The following BICD1 variants were observed in gnomAD, a reference collection of about 807,000 sequenced individuals.
The protein encoded by BICD1 is BICD cargo adaptor 1, also known as protein bicaudal D homolog 1.
A neutral mutation model predicts 92.5 loss-of-function variants in BICD1; 35 were observed. That is an observed-to-expected ratio of 0.38 (90% CI 0.29 to 0.50). BICD1 has a LOEUF of 0.50. Ranked by LOEUF, BICD1 falls within the 20% of genes least tolerant of loss-of-function variation. The pLI, the probability that BICD1 is intolerant of heterozygous loss-of-function variation, is 0.93. For synonymous variants in BICD1, 429 were observed against 465.1 expected (o/e 0.92, Z 1.00); for missense variants, 950 against 1,189.8 (o/e 0.80, Z 2.97).
At position 32,326,611 on chromosome 12, in the gene BICD1, G is replaced by A. The variant is rs879050990; in HGVS notation, c.1006-850G>A. ...ATATTAGAAACCATCAAAGCTGGGC[G>A]TGGTGGCTCCTGCCTATAATCCTAG... On this transcript the variant is annotated intron_variant, in intron 4 of 9. Transcript: ENST00000652176. Among the ~76,000 whole-genome samples the A allele has an allele frequency of 5.9e-5, 9 of 152,152 alleles. No homozygotes were observed. The South Asian group carries it at 8.3e-4, about 14-fold the overall frequency.
At chr12:32,333,670 C>A (rs1470617833) in intron 5 of BICD1, among the ~76,000 whole-genome samples, 1 of 152,200 alleles carries the variant, frequency 6.6e-6, no homozygotes, top group Non-Finnish European at 1.5e-5. Context: ...TTGGCTTCAA[C>A]ATGCAAACTG....
At chr12:32,138,768 TTATGA>T (rs1396583498) in intron 1 of BICD1, among the ~76,000 whole-genome samples, 1 of 151,866 alleles carries the variant, frequency 6.6e-6, no homozygotes, top group Non-Finnish European at 1.5e-5. Flanking sequence ...TATTTTTGAC[TTATGA>T]TATTTTTCAA....
intron 2 of BICD1, among the ~76,000 whole-genome samples, chr12:32,243,500 TAGA>T (rs1214324064): frequency 6.6e-6 from 1 of 152,132 alleles, no homozygotes; most frequent in African/African-American, 2.4e-5. Flanking sequence ...GATCAAATGG[TAGA>T]AGACTTTTTA....
At chr12:32,369,706 A>G (rs530581286) in intron 9 of BICD1, among the ~76,000 whole-genome samples, 1 of 151,592 alleles carries the variant, frequency 6.6e-6, no homozygotes, top group Non-Finnish European at 1.5e-5. Context: ...AGCCTGGGGA[A>G]CACAGGGAGA....
intron 1 of BICD1, among the ~76,000 whole-genome samples, chr12:32,131,140 G>A (rs933573616): frequency 7.2e-5 from 11 of 152,158 alleles, no homozygotes; most frequent in Non-Finnish European, 1.0e-4. Flanking sequence ...AGGCTGCTCC[G>A]TGACATTTAA....
intron 2 of BICD1, among the ~76,000 whole-genome samples, chr12:32,245,348 G>C (rs1387454583): frequency 6.6e-6 from 1 of 151,206 alleles, no homozygotes; most frequent in East Asian, 2.0e-4. Flanking sequence ...CCAGGTTCAC[G>C]CCATTCTCAA....
At chr12:32,290,096 A>C (rs942300020) in intron 2 of BICD1, among the ~76,000 whole-genome samples, 3 of 152,186 alleles carry the variant, frequency 2.0e-5, no homozygotes, top group Non-Finnish European at 4.4e-5. Flanking sequence ...ATGAGAGCTA[A>C]AGTGAAAAAC....
chr12:32,181,172 CA>C (rs1944261705), intron 1 of BICD1, among the ~76,000 whole-genome samples: 1 of 151,748 alleles, frequency 6.6e-6, no homozygotes, highest in Non-Finnish European at 1.5e-5. Context: ...GTAACCCCAG[CA>C]GTTTGGGAGG....
At chr12:32,261,809 G>A (rs1946866378) in intron 2 of BICD1, among the ~76,000 whole-genome samples, 1 of 152,198 alleles carries the variant, frequency 6.6e-6, no homozygotes, top group South Asian at 2.1e-4. Flanking sequence ...GCCCCCTTGT[G>A]CCAGTTAGGG....
chr12:32,292,959 AATTG>A (rs540437284), intron 2 of BICD1, among the ~76,000 whole-genome samples: 1 of 152,216 alleles, frequency 6.6e-6, no homozygotes, highest in Non-Finnish European at 1.5e-5. Flanking sequence ...TATTTTACTT[AATTG>A]ATTGATTTAT....
chr12:32,350,283 G>A lies in BICD1; in HGVS notation c.2764+11304G>A, dbSNP rs1156321614. Among the ~76,000 whole-genome samples, 3 of 152,126 alleles carry A rather than the reference G, an allele frequency of 2.0e-5. No homozygotes were observed. The East Asian group carries it at 5.8e-4, about 29-fold the overall frequency. Reference sequence around the variant, plus strand: ...GGATCACTTGAGCCCAGGAGTTCAAGACCAGCCTGGGCAACATGGTGAAAC... The same window carrying A: ...GGATCACTTGAGCCCAGGAGTTCAAAACCAGCCTGGGCAACATGGTGAAAC... On this transcript the variant is annotated intron_variant, in intron 8 of 9. Transcript: ENST00000652176.
chr12:32,210,879 A>G (rs1945195387), intron 1 of BICD1, among the ~76,000 whole-genome samples: 1 of 152,212 alleles, frequency 6.6e-6, no homozygotes, highest in Non-Finnish European at 1.5e-5. Flanking sequence ...GTAACCTTGA[A>G]AAACATTGTT....
At chr12:32,293,814 G>T (rs938534847) in intron 2 of BICD1, among the ~76,000 whole-genome samples, 180 bp from the exon 3 acceptor site, 2 of 152,088 alleles carry the variant, frequency 1.3e-5, no homozygotes, top group African/African-American at 4.8e-5. Flanking sequence ...GAATTGCTGG[G>T]TAATATATAT....
chr12:32,204,458 C>G (rs1485755901), intron 1 of BICD1, among the ~76,000 whole-genome samples: 3 of 152,044 alleles, frequency 2.0e-5, no homozygotes, highest in South Asian at 2.1e-4. Context: ...CTGTTTCACA[C>G]TCTCCGGGGC....
intron 1 of BICD1, among the ~76,000 whole-genome samples, chr12:32,137,527 C>T (rs949742128): frequency 3.9e-5 from 6 of 152,080 alleles, no homozygotes; most frequent in African/African-American, 9.7e-5. Context: ...AACAAGGTAA[C>T]GTGTTGTAGG....
chr12:32,217,247 A>T (rs941182924), intron 2 of BICD1, among the ~76,000 whole-genome samples: 4 of 152,208 alleles, frequency 2.6e-5, no homozygotes, highest in South Asian at 2.1e-4. Context: ...ACGTCCTCTA[A>T]CTCCTACACC....
At chr12:32,134,694 A>G (rs1403592507) in intron 1 of BICD1, among the ~76,000 whole-genome samples, 1 of 152,120 alleles carries the variant, frequency 6.6e-6, no homozygotes, top group African/African-American at 2.4e-5. Flanking sequence ...AATTAGAATA[A>G]AGTCTTGATA....
At chr12:32,147,344 GAATTCTAA>G (rs1293300748) in intron 1 of BICD1, among the ~76,000 whole-genome samples, 1 of 152,204 alleles carries the variant, frequency 6.6e-6, no homozygotes, top group Non-Finnish European at 1.5e-5. Context: ...AGAGAATTCT[GAATTCTAA>G]AATCCACAAC....
chr12:32,308,331 T>G (rs1032052673), intron 4 of BICD1, among the ~76,000 whole-genome samples: 20 of 152,202 alleles, frequency 1.3e-4, no homozygotes, highest in Admixed American at 1.3e-3. Flanking sequence ...AAACTCCCCA[T>G]GTATTTCAAA....
Sources: allele counts gnomAD v4.1 joint callset (sites outside exome capture counted in the v4.1 genomes callset), GRCh38; gene constraint gnomAD v4.1.1; transcripts MANE v1.5; gene names NCBI Gene and HGNC (gene_info 2026-07-23, HGNC 2026-07-21).